Variants in USP21 observed in about 807,000 individuals in gnomAD.
USP21 encodes ubiquitin carboxyl-terminal hydrolase 21.
Under a neutral mutation model 70.8 loss-of-function variants are expected in USP21, and 37 were observed. The observed-to-expected ratio is 0.52, with a 90% CI of 0.40 to 0.69. USP21 has a LOEUF of 0.69. USP21 is among the 30% of genes least tolerant of loss of function. The pLI, the probability that USP21 is intolerant of heterozygous loss-of-function variation, is 0.00. For missense variants in USP21, 584 were observed against 740.8 expected (o/e 0.79, Z 2.46); for synonymous variants, 263 against 283.1 (o/e 0.93, Z 0.71).
Position 161,161,641 on chromosome 1 carries a change from T to TG in USP21, c.601-396dup, listed in dbSNP as rs1657936366. The TG allele has an allele frequency of 2.6e-6, 1 of 381,002 alleles. No individual in the cohort carries two copies. The highest frequency in any genetic ancestry group is 4.1e-5 in the Admixed American group (1 of 24,218). 23.6% of individuals were successfully genotyped at this position (381,002 alleles called of 1,614,324 possible). A position where few individuals can be genotyped will look rare whatever the true frequency, so the allele number is the denominator to read the frequency against. On this transcript the variant is annotated intron_variant, in intron 3 of 13. Coordinates refer to ENST00000368002, the MANE Select transcript of USP21 (RefSeq NM_001014443.3). The surrounding 1 kb of genome is among the most constrained non-coding windows in gnomAD (Gnocchi z 4.2). ...ATTTTCTGAGCTAAGTAAGCTAGGC[T>TG]GATTGCAATTGGAGCCAGCAGGAGA...
At position 161,160,660 on chromosome 1, in the gene USP21, A is replaced by T; in HGVS notation, c.20A>T (p.His7Leu). MPQASEHRLGRTREPPV... is the reference protein window; with the variant it reads MPQASELRLGRTREPPV... ...TCCACAATGCCCCAGGCCTCTGAGC[A>T]CCGCCTGGGCCGTACCCGAGAGCCA... is the stretch of plus-strand genomic sequence containing the variant. Residue 7 changes from histidine to leucine, a missense_variant, in exon 3 of 14, where the codon CAC (histidine) becomes CTC (leucine). Coordinates refer to ENST00000368002, the MANE Select transcript of USP21 (RefSeq NM_001014443.3). The T allele has an allele frequency of 6.2e-7, 1 of 1,613,294 alleles. No individual in the cohort carries two copies. The highest frequency in any genetic ancestry group is 1.1e-5 in the South Asian group (1 of 91,052).
intron 8 of USP21, 89 bp from the exon 9 acceptor site, chr1:161,163,785 TCAAG>T: frequency 7.3e-7 from 1 of 1,374,492 alleles, no homozygotes; most frequent in Middle Eastern, 1.8e-4. Context: ...AAAGGAAGGG[TCAAG>T]CAAAGGGGCA....
chr1:161,162,187 T>C lies in USP21; in HGVS notation c.661-83T>C, dbSNP rs1281449102. On this transcript the variant is annotated intron_variant, in intron 4 of 13. Transcript: ENST00000368002. This position sits in a 1 kb window ranked among gnomAD's most constrained non-coding sequence, Gnocchi z 4.1. ...AACCCACGAGCTTGGGGAAGGCATG[T>C]GGAAGGAGAGCTCTGAAGCTCTTCT... 20 of 1,613,064 alleles carry C rather than the reference T, an allele frequency of 1.2e-5. No individual in the cohort carries two copies. The East Asian group carries it at 4.5e-4, about 36-fold the overall frequency.
chr1:161,164,690 G>A lies in USP21; in HGVS notation c.1384+78G>A, dbSNP rs1658364106. Reference sequence around the variant, plus strand: ...CTTTCCTCCATGTTTCCAGAGAATTGAATTTTCCTTAGGAAAAGTCTGCCA... The same window carrying A: ...CTTTCCTCCATGTTTCCAGAGAATTAAATTTTCCTTAGGAAAAGTCTGCCA... On this transcript the variant is annotated intron_variant, in intron 11 of 13. Transcript: ENST00000368002. This position sits in a 1 kb window ranked among gnomAD's most constrained non-coding sequence, Gnocchi z 4.2. 2.5e-6 allele frequency: 4 copies of A among 1,606,700 alleles called. No individual in the cohort carries two copies. Among genetic ancestry groups the A allele is most frequent in the Admixed American group, 1.7e-5 (1 of 59,378 alleles).
intron 1 of USP21, among the ~76,000 whole-genome samples, chr1:161,160,073 G>A (rs532852004): frequency 5.3e-5 from 8 of 152,280 alleles, no homozygotes; most frequent in African/African-American, 1.9e-4. Context: ...GCCCAGAGAG[G>A]CAGGGATTCG....
At position 161,165,421 on chromosome 1, in the gene USP21, A is replaced by C. The variant is rs763944802; in HGVS notation, c.1672A>C (p.Met558Leu). The change falls in exon 14 of 14, where the codon ATG becomes CTG. Residue 558 changes from methionine to leucine, a missense_variant. Physicochemically the swap from Met to Leu is conservative, Grantham distance 15. Coordinates refer to ENST00000368002, the MANE Select transcript of USP21 (RefSeq NM_001014443.3). Reference sequence around the variant, plus strand: ...GGGCTACGTGCTGTTCTACCAACTGATGCAGGAGCCACCCCGGTGCCTGTG... The same window carrying C: ...GGGCTACGTGCTGTTCTACCAACTGCTGCAGGAGCCACCCCGGTGCCTGTG... ...SEGYVLFYQL[M>L]QEPPRCL 1 of 1,614,070 alleles carries C rather than the reference A, an allele frequency of 6.2e-7. No homozygotes were observed. The highest frequency in any genetic ancestry group is 2.2e-5 in the East Asian group (1 of 44,878).
intron 13 of USP21, 65 bp downstream of exon 13, chr1:161,165,208 A>C: frequency 6.7e-7 from 1 of 1,496,022 alleles, no homozygotes; most frequent in Non-Finnish European, 9.3e-7. Context: ...CTCCCCTTCT[A>C]TGAAGCTCCA....
Position 161,164,574 on chromosome 1 carries a change from A to G in USP21, c.1346A>G (p.Lys449Arg). The G allele has an allele frequency of 6.2e-7, 1 of 1,614,210 alleles. No homozygotes were observed. The highest frequency in any genetic ancestry group is 8.5e-7 in the Non-Finnish European group (1 of 1,180,030). ...CGGCAGAAAACTCGAAGTACCAAAA[A>G]GTTGACAGTACAAAGATTCCCTCGA... Reference protein sequence around the residue: ...RCRQKTRSTKKLTVQRFPRIL... With the variant: ...RCRQKTRSTKRLTVQRFPRIL... The change falls in exon 11 of 14, where the codon AAG becomes AGG. Residue 449 changes from lysine (K) to arginine (R), a missense_variant. Lys to Arg is a conservative substitution (Grantham distance 26, BLOSUM62 2). Around this residue, in one of 4 missense-constraint regions of USP21, gnomAD observed 173 missense variants for 268.2 expected, o/e 0.65. Coordinates refer to ENST00000368002, the MANE Select transcript of USP21 (RefSeq NM_001014443.3). This position sits in a 1 kb window ranked among gnomAD's most constrained non-coding sequence, Gnocchi z 4.2.
chr1:161,163,804 G>T (rs1468432832), intron 8 of USP21, 74 bp from the exon 9 acceptor site: 2 of 1,459,230 alleles, frequency 1.4e-6, no homozygotes, highest in Non-Finnish European at 1.9e-6. Context: ...GGGGCAGGAA[G>T]AGATGGAAAT....
chr1:161,163,822 A>T, intron 8 of USP21, 56 bp from the exon 9 acceptor site: 4 of 1,374,700 alleles, frequency 2.9e-6, no homozygotes, highest in South Asian at 1.2e-5. Context: ...AATCCAAGAA[A>T]TCATCTCATA....
chr1:161,164,636 C>G lies in USP21; in HGVS notation c.1384+24C>G, dbSNP rs1254840634. On this transcript the variant is annotated intron_variant, in intron 11 of 13. Coordinates refer to ENST00000368002, the MANE Select transcript of USP21 (RefSeq NM_001014443.3). The surrounding 1 kb of genome is among the most constrained non-coding windows in gnomAD (Gnocchi z 4.2). ...CCATATCCTAATCTTCAGATTCTTA[C>G]TTCTCTTAGGATACCTCCCATACAT... The G allele has an allele frequency of 6.2e-7, 1 of 1,613,770 alleles. No homozygotes were observed.
In USP21 at chr1:161,164,385, C is replaced by G; in HGVS notation, c.1305+135C>G. On this transcript the variant is annotated intron_variant, in intron 10 of 13. Transcript: ENST00000368002. This position sits in a 1 kb window ranked among gnomAD's most constrained non-coding sequence, Gnocchi z 4.2. The stretch of plus-strand genomic sequence containing the variant: ...CTGGGTTTGTGTTGGAGTCTCAGAT[C>G]TGTTCTAGTACTCCTAGAGCAAAGG... The G allele has an allele frequency of 7.7e-7, 1 of 1,295,290 alleles. No homozygotes were observed. The highest frequency in any genetic ancestry group is 1.1e-6 in the Non-Finnish European group (1 of 905,274). 80.2% of individuals were successfully genotyped at this position (1,295,290 alleles called of 1,614,324 possible).
chr1:161,161,086 C>A lies in USP21; in HGVS notation c.446C>A (p.Pro149His). The change falls in exon 3 of 14, where the codon CCC (proline) becomes CAC (histidine). Residue 149 changes from proline to histidine, a missense_variant. Around this residue, in one of 4 missense-constraint regions of USP21, gnomAD observed 284 missense variants for 281.0 expected, o/e 1.01. Coordinates refer to ENST00000368002, the MANE Select transcript of USP21 (RefSeq NM_001014443.3). This position sits in a 1 kb window ranked among gnomAD's most constrained non-coding sequence, Gnocchi z 4.2. ...CGCTTGGCCCTCCGGCCTGAGCCAC[C>A]CACTTTGAGACGTAGCACTTCTCTC... ...LSRLALRPEP[P>H]TLRRSTSLRR... The A allele has an allele frequency of 6.2e-7, 1 of 1,614,250 alleles. No homozygotes were observed. The highest frequency in any genetic ancestry group is 8.5e-7 in the Non-Finnish European group (1 of 1,180,052).
chr1:161,163,668 T>C (rs759100478), intron 8 of USP21, 49 bp downstream of exon 8: 146 of 642,712 alleles, frequency 2.3e-4, no homozygotes, highest in Non-Finnish European at 3.6e-4. Context: ...GTGAGGGGGG[T>C]ACAGGCTTGG....
rs377383966 is a variant in USP21, at chr1:161,162,922, G to T, written c.897G>T (p.Gln299His). 1.2e-6 allele frequency: 2 copies of T among 1,608,524 alleles called. No homozygotes were observed. The highest frequency in any genetic ancestry group is 1.7e-6 in the Non-Finnish European group (2 of 1,177,034). The change falls in exon 7 of 14, where the codon CAG becomes CAT. Residue 299 changes from glutamine to histidine, a missense_variant. Coordinates refer to ENST00000368002, the MANE Select transcript of USP21 (RefSeq NM_001014443.3). This position sits in a 1 kb window ranked among gnomAD's most constrained non-coding sequence, Gnocchi z 4.1. ...CATACTCTTTGTCTGGCTGTAGCCAGCAGGATGCCCAAGAGTTCCTGAAGC... is the reference window on the plus strand; with the variant it reads ...CATACTCTTTGTCTGGCTGTAGCCATCAGGATGCCCAAGAGTTCCTGAAGC... The part of the protein sequence containing the change: ...KYVPSFSGYS[Q>H]QDAQEFLKLL...
rs1046673372 is a variant in USP21 at position 161,159,593 on chromosome 1, G to A, written c.-248G>A. 2 of 152,340 alleles carry A rather than the reference G, an allele frequency of 1.3e-5. No homozygotes were observed. Among genetic ancestry groups the A allele is most frequent in the African/African-American group, 4.8e-5 (2 of 41,418 alleles). 9.4% of individuals were successfully genotyped at this position (152,340 alleles called of 1,614,324 possible). A position where few individuals can be genotyped will look rare whatever the true frequency, so the allele number is the denominator to read the frequency against. ...GGCTAAAGCTGCAGCCGGGCCCACG[G>A]GGGGGCTGCACGGGGGTAGTAGGGG... On this transcript the variant is annotated 5_prime_UTR_variant, in exon 1 of 14. Coordinates refer to ENST00000368002, the MANE Select transcript of USP21 (RefSeq NM_001014443.3).
Position 161,161,854 on chromosome 1 carries a change from G to A in USP21, c.601-184G>A. The A allele has an allele frequency of 3.1e-6, 2 of 645,948 alleles. No individual in the cohort carries two copies. Among genetic ancestry groups the A allele is most frequent in the Non-Finnish European group, 5.6e-6 (2 of 357,232 alleles). 40.0% of individuals were successfully genotyped at this position (645,948 alleles called of 1,614,324 possible). A position where few individuals can be genotyped will look rare whatever the true frequency, so the allele number is the denominator to read the frequency against. On this transcript the variant is annotated intron_variant, in intron 3 of 13. Transcript: ENST00000368002. The surrounding 1 kb of genome is among the most constrained non-coding windows in gnomAD (Gnocchi z 4.2). ...GGCTGAGTCCGTGGTACATTCAGCT[G>A]TGATGGGCTTACTGCTCATGACCAG...
Position 161,163,909 on chromosome 1 carries a change from C to T in USP21, c.1146C>T (p.Leu382=), listed in dbSNP as rs755177810. 5.6e-6 allele frequency: 9 copies of T among 1,614,060 alleles called. No homozygotes were observed. In the South Asian group the frequency reaches 8.8e-5, roughly 16 times the overall value. The change falls in exon 9 of 14, where the codon CTC becomes CTT. Residue 382 remains leucine, a synonymous_variant. Coordinates refer to ENST00000368002, the MANE Select transcript of USP21 (RefSeq NM_001014443.3). The part of the protein sequence containing the change: ...DLFVGQLKSC[L]KCQACGYRST... ...TTGTGGGCCAGTTGAAAAGTTGTCT[C>T]AAGTGCCAGGCCTGTGGGTATCGCT... is the stretch of plus-strand genomic sequence containing the variant.
In USP21 at chr1:161,165,158, C is replaced by T; in HGVS notation, c.1607+15C>T. ...AATGACTCTCGGTGAGAATAGCCTC[C>T]TATTTACATCCTGCCCCATTCCCAC... On this transcript the variant is annotated intron_variant, in intron 13 of 13. Transcript: ENST00000368002. 2 of 1,606,138 alleles carry T rather than the reference C, an allele frequency of 1.2e-6. No homozygotes were observed. Among genetic ancestry groups the T allele is most frequent in the South Asian group, 2.2e-5 (2 of 90,828 alleles).
Sources: gnomAD v4.1 joint callset for allele counts (sites outside exome capture counted in the v4.1 genomes callset) on GRCh38, gnomAD v4.1.1 for gene constraint, gnomAD v4.1.1 regional missense constraint, Gnocchi (gnomAD v3.1) non-coding constraint, MANE v1.5 for transcripts, NCBI Gene and HGNC (gene_info 2026-07-23, HGNC 2026-07-21) for gene names.